The following ACO1 variants were observed in gnomAD, a reference collection of about 807,000 sequenced individuals.
ACO1 encodes the protein cytoplasmic aconitate hydratase.
A neutral mutation model predicts 105.1 loss-of-function variants in ACO1; 78 were observed. That is an observed-to-expected ratio of 0.74 (90% CI 0.62 to 0.90). ACO1 has a LOEUF of 0.90. ACO1 is among the 40% of genes least tolerant of loss of function. The probability of loss-of-function intolerance (pLI) is 0.00; values close to 1 mark genes in which losing one functional copy is unlikely to be tolerated. For synonymous variants in ACO1, 364 were observed against 397.4 expected (o/e 0.92, Z 1.00); for missense variants, 965 against 1,111.1 (o/e 0.87, Z 1.87).
At position 32,424,575 on chromosome 9, in the gene ACO1, A is replaced by C; in HGVS notation, c.1098A>C (p.Val366=). 1 of 1,613,748 alleles carries C rather than the reference A, an allele frequency of 6.2e-7. No homozygotes were observed. Among genetic ancestry groups the C allele is most frequent in the East Asian group, 2.2e-5 (1 of 44,882 alleles). Residue 366 remains valine, a synonymous_variant, in exon 10 of 21, where the codon GTA becomes GTC. Coordinates refer to ENST00000309951, the MANE Select transcript of ACO1 (RefSeq NM_002197.3). The part of the protein sequence containing the change: ...TQVVELDLKT[V]VPCCSGPKRP... ...TTGTGGAATTAGATTTGAAAACAGT[A>C]GTGCCTTGCTGTAGTGGACCCAAAA...
In ACO1 at chr9:32,418,321, A is replaced by G; in HGVS notation, c.475-7A>G. 6.2e-7 allele frequency: 1 copy of G among 1,613,982 alleles called. No homozygotes were observed. The highest frequency in any genetic ancestry group is 8.5e-7 in the Non-Finnish European group (1 of 1,179,942). On this transcript the variant is annotated splice_polypyrimidine_tract_variant and splice_region_variant and intron_variant, in intron 5 of 20. Transcript: ENST00000309951. ...TTCATAGTGTTCTTTCCATTTGTCA[A>G]TCCCAGTGGGGTTCCCAGGCTTTTC...
In ACO1 at chr9:32,419,185, T is replaced by C. The variant is rs1168841822; in HGVS notation, c.798+8T>C. ...GTGCTCACCATTACCAAGGTAACAA[T>C]GTGCATCCTCTTCTGTGGTCTTGGA... On this transcript the variant is annotated splice_region_variant and intron_variant, in intron 7 of 20. Coordinates refer to ENST00000309951, the MANE Select transcript of ACO1 (RefSeq NM_002197.3). 3.8e-6 allele frequency: 6 copies of C among 1,569,590 alleles called. No individual in the cohort carries two copies. The highest frequency in any genetic ancestry group is 2.7e-5 in the African/African-American group (2 of 73,148).
At chr9:32,425,586 A>G (rs1443785703) in intron 10 of ACO1, among the ~76,000 whole-genome samples, 1 of 152,226 alleles carries the variant, frequency 6.6e-6, no homozygotes, top group South Asian at 2.1e-4. Flanking sequence ...TTCAGTGCAG[A>G]GTAAGACTCA....
chr9:32,388,349 C>G (rs556449936), intron 1 of ACO1, among the ~76,000 whole-genome samples: 1 of 152,184 alleles, frequency 6.6e-6, no homozygotes, highest in Non-Finnish European at 1.5e-5. Context: ...GGCAACATGA[C>G]AAAACCCCAT....
intron 1 of ACO1, among the ~76,000 whole-genome samples, chr9:32,394,254 TC>T (rs1422731683): frequency 1.3e-5 from 2 of 152,168 alleles, no homozygotes; most frequent in Non-Finnish European, 2.9e-5. Flanking sequence ...GTCCTTTCTC[TC>T]CCCCTCTGAT....
chr9:32,445,114 A>G (rs1417876212), intron 19 of ACO1, among the ~76,000 whole-genome samples: 1 of 152,172 alleles, frequency 6.6e-6, no homozygotes, highest in Non-Finnish European at 1.5e-5. Flanking sequence ...TATCAGGATG[A>G]TGCTGGCCTC....
chr9:32,443,671 G>A (rs1724294549), intron 19 of ACO1, among the ~76,000 whole-genome samples: 1 of 152,146 alleles, frequency 6.6e-6, no homozygotes, highest in African/African-American at 2.4e-5. Context: ...CTTTATAACG[G>A]AAGTCATTTC....
intron 2 of ACO1, among the ~76,000 whole-genome samples, 170 bp downstream of exon 2, chr9:32,405,773 G>C (rs1297625489): frequency 1.3e-5 from 2 of 152,232 alleles, no homozygotes; most frequent in African/African-American, 4.8e-5. Context: ...TCATTTTTAA[G>C]TAGGTGATAA....
At chr9:32,404,279 T>G (rs1169413492) in intron 1 of ACO1, among the ~76,000 whole-genome samples, 1 of 152,130 alleles carries the variant, frequency 6.6e-6, no homozygotes, top group Non-Finnish European at 1.5e-5. Flanking sequence ...TTTCCCCCCA[T>G]TCACCCAGCA....
rs1409899338 is a variant in ACO1, at chr9:32,454,701, C to G, written c.*4590C>G. 1 of 152,208 alleles carries G rather than the reference C, an allele frequency of 6.6e-6. No homozygotes were observed. 9.4% of individuals were successfully genotyped at this position (152,208 alleles called of 1,614,324 possible). ...ATTTCTTTCATTCAATACATATTAACCAAGTGCCTACTTTGTTTGAGTCCA... is the reference window on the plus strand; with the variant it reads ...ATTTCTTTCATTCAATACATATTAAGCAAGTGCCTACTTTGTTTGAGTCCA... On this transcript the variant is annotated 3_prime_UTR_variant, in exon 21 of 21. Coordinates refer to ENST00000309951, the MANE Select transcript of ACO1 (RefSeq NM_002197.3).
At chr9:32,436,548 C>T in intron 18 of ACO1, 151 bp downstream of exon 18, 2 of 847,312 alleles carry the variant, frequency 2.4e-6, no homozygotes, top group Non-Finnish European at 3.7e-6. Flanking sequence ...TGTCCATATG[C>T]ATAGAATGTA....
intron 18 of ACO1, among the ~76,000 whole-genome samples, chr9:32,437,798 G>A (rs1822396741): frequency 6.6e-6 from 1 of 152,052 alleles, no homozygotes. Context: ...AAGAAAGAAT[G>A]TTTTAAATTT....
chr9:32,428,504 T>C (rs1236043028), intron 12 of ACO1, among the ~76,000 whole-genome samples: 2 of 152,002 alleles, frequency 1.3e-5, no homozygotes, highest in Non-Finnish European at 2.9e-5. Context: ...GTTTGCTTTT[T>C]TTTTTAATAA....
chr9:32,418,652 G>T (rs1821904672), intron 6 of ACO1, 141 bp downstream of exon 6: 2 of 975,466 alleles, frequency 2.1e-6, no homozygotes, highest in East Asian at 4.9e-5. Context: ...TGTTTTTCCA[G>T]TGCCTAGAGA....
At position 32,419,191 on chromosome 9, in the gene ACO1, T is replaced by A; in HGVS notation, c.798+14T>A. ...ACCATTACCAAGGTAACAATGTGCATCCTCTTCTGTGGTCTTGGAAAGCCA... is the reference window on the plus strand; with the variant it reads ...ACCATTACCAAGGTAACAATGTGCAACCTCTTCTGTGGTCTTGGAAAGCCA... On this transcript the variant is annotated intron_variant, in intron 7 of 20. Coordinates refer to ENST00000309951, the MANE Select transcript of ACO1 (RefSeq NM_002197.3). 1 of 1,559,958 alleles carries A rather than the reference T, an allele frequency of 6.4e-7. No individual in the cohort carries two copies. The highest frequency in any genetic ancestry group is 8.7e-7 in the Non-Finnish European group (1 of 1,150,420).
At chr9:32,438,648 A>G (rs1822413604) in intron 18 of ACO1, among the ~76,000 whole-genome samples, 1 of 152,268 alleles carries the variant, frequency 6.6e-6, no homozygotes, top group Non-Finnish European at 1.5e-5. Flanking sequence ...AATTTTCAAA[A>G]AAATTCATTC....
At chr9:32,425,377 C>T (rs1822067626) in intron 10 of ACO1, among the ~76,000 whole-genome samples, 1 of 152,288 alleles carries the variant, frequency 6.6e-6, no homozygotes, top group Non-Finnish European at 1.5e-5. Flanking sequence ...ACTTTGTTTG[C>T]GTTGTTGATC....
intron 19 of ACO1, among the ~76,000 whole-genome samples, chr9:32,442,171 A>G (rs1822495342): frequency 6.6e-6 from 1 of 151,960 alleles, no homozygotes; most frequent in Non-Finnish European, 1.5e-5. Context: ...AGGCCTGGAC[A>G]TTGGGATTTT....
Position 32,405,747 on chromosome 9 carries a change from G to A in ACO1, c.97+144G>A, listed in dbSNP as rs7868221. 1,846 of 616,298 alleles carry A rather than the reference G, an allele frequency of 3.0e-3. 25 individuals carry two copies. In the African/African-American group the frequency reaches 0.03, roughly 10 times the overall value. 38.2% of individuals were successfully genotyped at this position (616,298 alleles called of 1,614,324 possible). On this transcript the variant is annotated intron_variant, in intron 2 of 20. Coordinates refer to ENST00000309951, the MANE Select transcript of ACO1 (RefSeq NM_002197.3). ...GGATTAAGTGCACAAGCACTCACAT[G>A]CCTTTCCTACATTAGTCATTTTTAA...
Sources: allele counts gnomAD v4.1 joint callset (sites outside exome capture counted in the v4.1 genomes callset), GRCh38; gene constraint gnomAD v4.1.1; transcripts MANE v1.5; gene names NCBI Gene and HGNC (gene_info 2026-07-23, HGNC 2026-07-21).